Variants in DIS3L2 observed in about 807,000 individuals in gnomAD.
DIS3L2 encodes DIS3 like 3'-5' exoribonuclease 2, also known as DIS3-like exonuclease 2.
A neutral mutation model predicts 97.5 loss-of-function variants in DIS3L2; 34 were observed. The ratio of observed to expected loss-of-function variants is 0.35; its 90% CI spans 0.27 to 0.46. DIS3L2 has a LOEUF of 0.46. Among genes scored for constraint, DIS3L2 ranks in the 20% least tolerant of loss-of-function variants. DIS3L2 has a pLI of 1.00. For missense variants in DIS3L2, 1,038 were observed against 1,146.0 expected, an observed-to-expected ratio of 0.91 and a Z score of 1.36; for synonymous variants, 435 against 445.2, an observed-to-expected ratio of 0.98 and a Z score of 0.29.
At chr2:232,130,834 G>A (rs1698195970) in intron 7 of DIS3L2, 115 bp downstream of exon 7, 1 of 1,331,192 alleles carries the variant, frequency 7.5e-7, no homozygotes, top group Non-Finnish European at 9.8e-7. Context: ...AGAAAAGTTA[G>A]AGCAGAGAAT....
At chr2:232,147,855 T>A (rs1690259903) in intron 8 of DIS3L2, among the ~76,000 whole-genome samples, 1 of 152,196 alleles carries the variant, frequency 6.6e-6, no homozygotes, top group Non-Finnish European at 1.5e-5. Flanking sequence ...TTTGTTTACC[T>A]ACCAAAGAAT....
At chr2:232,030,314 G>T (rs1694771805) in intron 5 of DIS3L2, among the ~76,000 whole-genome samples, 2 of 152,152 alleles carry the variant, frequency 1.3e-5, no homozygotes, top group African/African-American at 4.8e-5. Context: ...CATCCTCCCT[G>T]TCACATGCCT....
At chr2:232,010,006 C>T (rs190743425) in intron 1 of DIS3L2, among the ~76,000 whole-genome samples, 1 of 152,300 alleles carries the variant, frequency 6.6e-6, no homozygotes, top group East Asian at 1.9e-4. Context: ...CACAGCTTGT[C>T]CTACCCTGGT....
At chr2:232,124,211 A>G (rs933649648) in intron 6 of DIS3L2, among the ~76,000 whole-genome samples, 2 of 152,186 alleles carry the variant, frequency 1.3e-5, no homozygotes, top group Non-Finnish European at 2.9e-5. Flanking sequence ...GAAAACACAA[A>G]CAACAGAAGT....
At chr2:231,998,547 G>C (rs1693791844) in intron 1 of DIS3L2, among the ~76,000 whole-genome samples, 2 of 152,134 alleles carry the variant, frequency 1.3e-5, no homozygotes, top group Non-Finnish European at 2.9e-5. Flanking sequence ...CTCATTACCG[G>C]TGTTTACTTT....
chr2:232,218,157 G>T (rs1216462567), intron 10 of DIS3L2, among the ~76,000 whole-genome samples: 1 of 152,200 alleles, frequency 6.6e-6, no homozygotes, highest in Non-Finnish European at 1.5e-5. Flanking sequence ...AAGTCAGAGA[G>T]ATTCAGTGGC....
intron 11 of DIS3L2, among the ~76,000 whole-genome samples, chr2:232,239,425 A>G (rs1157849002): frequency 6.6e-6 from 1 of 152,238 alleles, no homozygotes; most frequent in Non-Finnish European, 1.5e-5. Context: ...TCTGCCCTCC[A>G]CACTGTGGTT....
chr2:232,206,019 C>G (rs1209780269), intron 9 of DIS3L2, among the ~76,000 whole-genome samples: 1 of 152,184 alleles, frequency 6.6e-6, no homozygotes, highest in Admixed American at 6.5e-5. Flanking sequence ...CTTGCAGTGT[C>G]CCTTGGGGTA....
intron 9 of DIS3L2, among the ~76,000 whole-genome samples, chr2:232,202,339 A>C (rs867412841): frequency 1.3e-5 from 2 of 152,184 alleles, no homozygotes; most frequent in Non-Finnish European, 2.9e-5. Flanking sequence ...CGGAGGTTGC[A>C]GTGAGCAGAG....
At chr2:232,321,320 ACCAGGGAAAACATG>A (rs968276441) in intron 14 of DIS3L2, among the ~76,000 whole-genome samples, 1 of 152,124 alleles carries the variant, frequency 6.6e-6, no homozygotes, top group Non-Finnish European at 1.5e-5. Flanking sequence ...TATGGAGCTC[ACCAGGGAAAACATG>A]GGGGATGCCT....
At chr2:232,195,158 C>G (rs1287153103) in intron 9 of DIS3L2, among the ~76,000 whole-genome samples, 2 of 152,138 alleles carry the variant, frequency 1.3e-5, no homozygotes, top group Non-Finnish European at 2.9e-5. Flanking sequence ...GACATTCATA[C>G]TTTCTTCTGT....
At chr2:231,962,094 C>A (rs944711694) in intron 1 of DIS3L2, among the ~76,000 whole-genome samples, 1 of 152,182 alleles carries the variant, frequency 6.6e-6, no homozygotes, top group African/African-American at 2.4e-5. Context: ...GTAGAGAGGA[C>A]GCCTCCCGAG....
chr2:232,011,206 TG>T (rs1694188697), intron 1 of DIS3L2, among the ~76,000 whole-genome samples: 5 of 152,152 alleles, frequency 3.3e-5, no homozygotes, highest in Admixed American at 2.6e-4. Context: ...AGTGTATCAG[TG>T]GCCCTCATTC....
intron 5 of DIS3L2, among the ~76,000 whole-genome samples, chr2:232,081,648 T>C (rs1045490962): frequency 6.6e-6 from 1 of 152,224 alleles, no homozygotes; most frequent in Non-Finnish European, 1.5e-5. Flanking sequence ...TTTATGATAC[T>C]TCCTGTGTCC....
At chr2:232,288,438 G>A (rs939038014) in intron 13 of DIS3L2, among the ~76,000 whole-genome samples, 4 of 152,188 alleles carry the variant, frequency 2.6e-5, no homozygotes, top group Non-Finnish European at 4.4e-5. Context: ...ACATTCACCC[G>A]TAAAACAAAC....
At chr2:232,133,569 C>T (rs575288804) in intron 7 of DIS3L2, among the ~76,000 whole-genome samples, 40 of 152,326 alleles carry the variant, frequency 2.6e-4, no homozygotes, top group African/African-American at 9.1e-4. Flanking sequence ...CTGATGCCAA[C>T]ACTGAGGTCT....
chr2:232,183,566 A>G (rs1691350651), intron 9 of DIS3L2, among the ~76,000 whole-genome samples: 1 of 152,178 alleles, frequency 6.6e-6, no homozygotes, highest in South Asian at 2.1e-4. Flanking sequence ...AGCCCTATGC[A>G]TGAGTGTGAC....
intron 12 of DIS3L2, among the ~76,000 whole-genome samples, chr2:232,249,780 A>T (rs1340815612): frequency 2.0e-5 from 3 of 152,256 alleles, no homozygotes. Flanking sequence ...GGAGAATCAC[A>T]AATGAATTGT....
chr2:232,109,343 A>G (rs531723383), intron 6 of DIS3L2, among the ~76,000 whole-genome samples: 1 of 152,322 alleles, frequency 6.6e-6, no homozygotes, highest in South Asian at 2.1e-4. Context: ...CAGGAGGCTG[A>G]GGCAGGAGAA....
Sources: allele counts gnomAD v4.1 joint callset (sites outside exome capture counted in the v4.1 genomes callset), GRCh38; gene constraint gnomAD v4.1.1; transcripts MANE v1.5; gene names NCBI Gene and HGNC (gene_info 2026-07-23, HGNC 2026-07-21).